The following ELP4 variants were observed in gnomAD, a reference collection of about 807,000 sequenced individuals.
ELP4 encodes elongator acetyltransferase complex subunit 4, also known as elongator complex protein 4.
In ELP4, 51 loss-of-function variants were observed where a neutral mutation model predicts 48.9. That is an observed-to-expected ratio of 1.04 (90% CI 0.83 to 1.32). ELP4 has a LOEUF of 1.32. Among genes scored for constraint, ELP4 ranks in the 40% most tolerant of loss-of-function variants. ELP4 has a pLI of 0.00. For synonymous variants in ELP4, 210 were observed against 189.2 expected (o/e 1.11, Z -0.90); for missense variants, 519 against 514.6 (o/e 1.01, Z -0.08).
rs1947596147 is a variant in ELP4 at position 31,746,548 on chromosome 11, C to T, written c.1144-36845C>T. ...TGTGGCACATATACATCATGGAATG[C>T]TATGCAGCCATAAAAAATGATGAGT... On this transcript the variant is annotated intron_variant, in intron 9 of 9. Transcript: ENST00000640961. Among the ~76,000 whole-genome samples, 3 of 152,270 alleles carry T rather than the reference C, an allele frequency of 2.0e-5. No individual in the cohort carries two copies. The South Asian group carries it at 6.2e-4, about 32-fold the overall frequency.
intron 9 of ELP4, chr11:31,650,494 A>G: frequency 3.4e-6 from 1 of 290,298 alleles, no homozygotes; most frequent in Non-Finnish European, 6.3e-6. Context: ...TATGATATGC[A>G]TATTTCCATG....
At chr11:31,615,301 G>A (rs1958055850) in intron 5 of ELP4, among the ~76,000 whole-genome samples, 1 of 151,916 alleles carries the variant, frequency 6.6e-6, no homozygotes, top group South Asian at 2.1e-4. Context: ...CTTCAAAACA[G>A]GCAAAAGGTT....
chr11:31,745,045 C>A (rs1161395282), intron 9 of ELP4, among the ~76,000 whole-genome samples: 5 of 152,226 alleles, frequency 3.3e-5, no homozygotes. Flanking sequence ...AGCAAAGTCT[C>A]AGGATACAAA....
intron 9 of ELP4, chr11:31,763,457 C>T: frequency 6.2e-7 from 1 of 1,610,300 alleles, no homozygotes; most frequent in Non-Finnish European, 8.5e-7. Flanking sequence ...ATTTATCCTC[C>T]AGGCTTCTCA....
chr11:31,689,681 G>T (rs750875308), intron 9 of ELP4, among the ~76,000 whole-genome samples: 4 of 152,148 alleles, frequency 2.6e-5, no homozygotes, highest in Non-Finnish European at 4.4e-5. Context: ...ACTGTATGAA[G>T]TAGTATGGTA....
Position 31,790,198 on chromosome 11 carries a change from G to C in ELP4, c.*6674G>C. The C allele has an allele frequency of 1.7e-6, 1 of 603,760 alleles. No individual in the cohort carries two copies. The highest frequency in any genetic ancestry group is 2.9e-6 in the Non-Finnish European group (1 of 350,386). The allele number at this position is 603,760 out of a possible 1,614,324, so 37.4% of individuals were successfully genotyped here. On this transcript the variant is annotated 3_prime_UTR_variant, in exon 10 of 10. Coordinates refer to ENST00000640961, the MANE Select transcript of ELP4 (RefSeq NM_019040.5). Reference sequence around the variant, plus strand: ...ATAAAAGTAGCACCTTCAGAAACTAGACAATATATGTATATATACCTATTG... The same window carrying C: ...ATAAAAGTAGCACCTTCAGAAACTACACAATATATGTATATATACCTATTG...
intron 3 of ELP4, among the ~76,000 whole-genome samples, chr11:31,544,535 G>GGCCT (rs1223678923): frequency 1.3e-5 from 2 of 152,228 alleles, no homozygotes; most frequent in African/African-American, 4.8e-5. Flanking sequence ...AGCTCAAGGA[G>GGCCT]GCCTGCCTGC....
intron 9 of ELP4, among the ~76,000 whole-genome samples, chr11:31,721,003 GTGC>G (rs1259858977): frequency 1.3e-5 from 2 of 152,200 alleles, no homozygotes; most frequent in Non-Finnish European, 2.9e-5. Context: ...TATTCAAAAT[GTGC>G]CTTACTCCCT....
intron 3 of ELP4, among the ~76,000 whole-genome samples, chr11:31,585,597 C>T (rs141996560): frequency 6.6e-6 from 1 of 152,020 alleles, no homozygotes; most frequent in African/African-American, 2.4e-5. Context: ...GGAAATTCCT[C>T]CGTAAGAGAT....
intron 4 of ELP4, among the ~76,000 whole-genome samples, chr11:31,602,930 T>C: frequency 6.6e-6 from 1 of 151,942 alleles, no homozygotes; most frequent in Non-Finnish European, 1.5e-5. Flanking sequence ...ATATATATTT[T>C]CAATGTATTG....
At chr11:31,767,190 C>T (rs1349076477) in intron 9 of ELP4, 1 of 152,158 alleles carries the variant, frequency 6.6e-6, no homozygotes, top group Non-Finnish European at 1.5e-5. Flanking sequence ...TTTTGGAGCA[C>T]TAATTTTGCA....
At chr11:31,545,426 T>C (rs967658586) in intron 3 of ELP4, among the ~76,000 whole-genome samples, 2 of 151,440 alleles carry the variant, frequency 1.3e-5, no homozygotes, top group Non-Finnish European at 2.9e-5. Context: ...AGAAGGGAAG[T>C]TTAGAGAAAA....
chr11:31,790,116 A>C lies in ELP4; in HGVS notation c.*6592A>C, dbSNP rs1309151674. ...GGTTTACAAAAAAAAAAAAAAAAAA[A>C]AAAACTAATACTTTCTAACATTTTT... is the stretch of plus-strand genomic sequence containing the variant. On this transcript the variant is annotated 3_prime_UTR_variant, in exon 10 of 10. Transcript: ENST00000640961. 3.9e-6 allele frequency: 3 copies of C among 779,124 alleles called. No individual in the cohort carries two copies. The Admixed American group carries it at 8.2e-5, about 21-fold the overall frequency. 48.3% of individuals were successfully genotyped at this position (779,124 alleles called of 1,614,324 possible).
chr11:31,656,751 T>C (rs185554064), intron 9 of ELP4, among the ~76,000 whole-genome samples: 1 of 152,168 alleles, frequency 6.6e-6, no homozygotes, highest in East Asian at 1.9e-4. Flanking sequence ...CTCAGCATTG[T>C]CTAAATATGC....
At chr11:31,576,758 A>C (rs879885111) in intron 3 of ELP4, among the ~76,000 whole-genome samples, 15 of 152,220 alleles carry the variant, frequency 9.9e-5, no homozygotes, top group Admixed American at 9.8e-4. Flanking sequence ...ACAAAGACAC[A>C]ACATACCAGA....
At chr11:31,600,353 T>C (rs1957759055) in intron 4 of ELP4, 1 of 152,162 alleles carries the variant, frequency 6.6e-6, no homozygotes, top group South Asian at 2.1e-4. Flanking sequence ...TTTCTCAGTA[T>C]TGTAGAGCTC....
At chr11:31,577,602 A>C (rs1341323350) in intron 3 of ELP4, among the ~76,000 whole-genome samples, 1 of 152,102 alleles carries the variant, frequency 6.6e-6, no homozygotes, top group Non-Finnish European at 1.5e-5. Flanking sequence ...CACCACGATC[A>C]AGTTGTCTTC....
chr11:31,515,033 G>GTGTGTGTGTATA (rs1263600301), intron 1 of ELP4, among the ~76,000 whole-genome samples: 1 of 133,966 alleles, frequency 7.5e-6, no homozygotes, highest in African/African-American at 2.8e-5. Context: ...GTGTGTGTGT[G>GTGTGTGTGTATA]TATATATATA....
intron 9 of ELP4, among the ~76,000 whole-genome samples, chr11:31,696,017 C>T (rs1244536127): frequency 2.0e-5 from 3 of 151,730 alleles, no homozygotes; most frequent in African/African-American, 7.3e-5. Flanking sequence ...GGTGATATCC[C>T]CTTTATCATT....
Sources: allele counts gnomAD v4.1 joint callset (sites outside exome capture counted in the v4.1 genomes callset), GRCh38; gene constraint gnomAD v4.1.1; transcripts MANE v1.5; gene names NCBI Gene and HGNC (gene_info 2026-07-23, HGNC 2026-07-21).